CCDC40: variants seen among roughly 807,000 people sequenced by gnomAD.
CCDC40 encodes coiled-coil domain-containing protein 40.
A neutral mutation model predicts 124.5 loss-of-function variants in CCDC40; 104 were observed. The observed-to-expected ratio is 0.84, with a 90% CI of 0.71 to 0.98. CCDC40 has a LOEUF of 0.98. CCDC40 is among the 50% of genes least tolerant of loss of function. The pLI is 0.00. For synonymous variants in CCDC40, 580 were observed against 602.9 expected (o/e 0.96, Z 0.56); for missense variants, 1,463 against 1,503.9 (o/e 0.97, Z 0.45).
In CCDC40 at chr17:80,084,599, A is replaced by G. The variant is rs910825658; in HGVS notation, c.1990-144A>G. ...CTTGCTGGGTCCTGGAGACAGTGGG[A>G]AATCCAGCCTCCTGCACTCGTGACT... On this transcript the variant is annotated intron_variant, in intron 12 of 19. Coordinates refer to ENST00000397545, the MANE Select transcript of CCDC40 (RefSeq NM_017950.4). The G allele has an allele frequency of 3.1e-5, 30 of 957,280 alleles. No individual in the cohort carries two copies. In the Admixed American group the frequency reaches 5.6e-4, roughly 18 times the overall value. The allele number at this position is 957,280 out of a possible 1,614,324, so 59.3% of individuals were successfully genotyped here.
intron 7 of CCDC40, among the ~76,000 whole-genome samples, chr17:80,056,218 ATC>A (rs370757330): frequency 1.3e-5 from 2 of 148,934 alleles, no homozygotes. Context: ...GTGTATGTGT[ATC>A]TCTCTCTCTC....
At position 80,095,425 on chromosome 17, in the gene CCDC40, C is replaced by T. The variant is rs546342011; in HGVS notation, c.2995C>T (p.Arg999Cys). The change falls in exon 18 of 20, where the codon CGC (arginine) becomes TGC (cysteine). Residue 999 changes from arginine to cysteine, a missense_variant. Transcript: ENST00000397545. ...TDFHHKQLEL[R>C]RKIRDVRKAT... is the part of the protein sequence containing the mutation. ...CTTCCACCACAAGCAGCTTGAGCTGCGCCGGAAAATCAGGGACGTTCGCAA... is the reference window on the plus strand; with the variant it reads ...CTTCCACCACAAGCAGCTTGAGCTGTGCCGGAAAATCAGGGACGTTCGCAA... 3 of 1,614,044 alleles carry T rather than the reference C, an allele frequency of 1.9e-6. No homozygotes were observed. The highest frequency in any genetic ancestry group is 2.2e-5 in the South Asian group (2 of 91,092).
chr17:80,090,259 G>T, intron 17 of CCDC40: 1 of 798,460 alleles, frequency 1.3e-6, no homozygotes, highest in Non-Finnish European at 1.8e-6. Context: ...AACACGGGAC[G>T]CGCGCGGGCA....
At chr17:80,064,189 T>C (rs2037975279) in intron 9 of CCDC40, among the ~76,000 whole-genome samples, 2 of 152,170 alleles carry the variant, frequency 1.3e-5, no homozygotes, top group African/African-American at 4.8e-5. Context: ...CAGCCAAGCA[T>C]GGTGTCTCCA....
rs185882210 is a variant in CCDC40, at chr17:80,082,124, C to T, written c.1989+66C>T. The T allele has an allele frequency of 3.4e-3, 5,065 of 1,469,344 alleles. 15 individuals are homozygous for T. The highest frequency in any genetic ancestry group is 4.5e-3 in the Non-Finnish European group (4,705 of 1,052,918). 91.0% of individuals were successfully genotyped at this position (1,469,344 alleles called of 1,614,324 possible). On this transcript the variant is annotated intron_variant, in intron 12 of 19. Coordinates refer to ENST00000397545, the MANE Select transcript of CCDC40 (RefSeq NM_017950.4). ...GCAGCCTGGGCATATGAGGGCAAGC[C>T]GTCCTGGAGGCGGAGAGGGCGGAGT...
chr17:80,045,501 C>T (rs1303011467), intron 3 of CCDC40, among the ~76,000 whole-genome samples: 7 of 152,090 alleles, frequency 4.6e-5, no homozygotes, highest in Non-Finnish European at 7.4e-5. Context: ...GTCAGGAGTT[C>T]GAGACCGGCC....
rs1164576884 is a variant in CCDC40, at chr17:80,065,538, A to G, written c.1494A>G (p.Gln498=). 1.2e-6 allele frequency: 2 copies of G among 1,612,968 alleles called. No homozygotes were observed. The highest frequency in any genetic ancestry group is 4.5e-5 in the East Asian group (2 of 44,754). The change falls in exon 10 of 20, where the codon CAA becomes CAG. Residue 498 remains glutamine, a synonymous_variant. Transcript: ENST00000397545. ...ISVEKRRIMQ[Q]WASSLVGMKH... The stretch of plus-strand genomic sequence containing the variant: ...TGGAGAAGAGGCGCATCATGCAGCA[A>G]TGGGCCAGCAGCCTGGTGGGCATGA...
intron 19 of CCDC40, 112 bp from the exon 20 acceptor site, chr17:80,099,415 C>T (rs770517103): frequency 1.6e-4 from 200 of 1,269,636 alleles, no homozygotes; most frequent in Non-Finnish European, 2.1e-4. Flanking sequence ...CCTTTTCAGG[C>T]GTAGGTCTCG....
In CCDC40 at chr17:80,066,094, C is replaced by T. The variant is rs2143682551; in HGVS notation, c.1562+488C>T. On this transcript the variant is annotated intron_variant, in intron 10 of 19. Coordinates refer to ENST00000397545, the MANE Select transcript of CCDC40 (RefSeq NM_017950.4). The surrounding 1 kb of genome is among the most constrained non-coding windows in gnomAD (Gnocchi z 4.4). ...GTGGCTCAGGGCAGGGCGTTGGAGA[C>T]ACAGGTGCTGCCTTCATTCCTAAAA... 1 of 702,986 alleles carries T rather than the reference C, an allele frequency of 1.4e-6. No homozygotes were observed. Among genetic ancestry groups the T allele is most frequent in the East Asian group, 2.7e-5 (1 of 37,270 alleles). The allele number at this position is 702,986 out of a possible 1,614,324, so 43.5% of individuals were successfully genotyped here. A position where few individuals can be genotyped will look rare whatever the true frequency, so the allele number is the denominator to read the frequency against.
chr17:80,036,783 C>T, intron 1 of CCDC40, 92 bp downstream of exon 1: 1 of 1,217,472 alleles, frequency 8.2e-7, no homozygotes, highest in Non-Finnish European at 1.1e-6. Context: ...GCTCCTGCCT[C>T]GCCCCTTCGC....
chr17:80,054,314 A>T lies in CCDC40; in HGVS notation c.1159+4031A>T, dbSNP rs80125129. Among the ~76,000 whole-genome samples, 989 of 152,254 alleles carry T rather than the reference A, an allele frequency of 6.5e-3. 8 individuals are homozygous for T. The highest frequency in any genetic ancestry group is 0.022 in the African/African-American group (934 of 41,524). Reference sequence around the variant, plus strand: ...TAATTGCAAGAAAGCTATGCATTGTACTGGTTTCATCATGCAAGAAATTGA... The same window carrying T: ...TAATTGCAAGAAAGCTATGCATTGTTCTGGTTTCATCATGCAAGAAATTGA... On this transcript the variant is annotated intron_variant, in intron 7 of 19. Transcript: ENST00000397545.
At chr17:80,095,490 C>T (rs991506764) in intron 18 of CCDC40, 39 bp downstream of exon 18, 1 of 1,593,412 alleles carries the variant, frequency 6.3e-7, no homozygotes, top group Non-Finnish European at 8.6e-7. Context: ...GCCTGCTCCT[C>T]TCTCTGGGAT....
At chr17:80,050,925 G>T (rs2037569776) in intron 7 of CCDC40, among the ~76,000 whole-genome samples, 1 of 152,178 alleles carries the variant, frequency 6.6e-6, no homozygotes, top group Non-Finnish European at 1.5e-5. Context: ...CGAATGCGAG[G>T]GTGAGGCCGG....
chr17:80,039,512 A>G (rs1439150026), intron 2 of CCDC40, among the ~76,000 whole-genome samples: 3 of 151,740 alleles, frequency 2.0e-5, no homozygotes, highest in African/African-American at 7.3e-5. Context: ...TCCGAGTTTA[A>G]GCAATTCTCC....
rs1198869526 is a variant in CCDC40, at chr17:80,050,235, G to T, written c.1111G>T (p.Ala371Ser). The T allele has an allele frequency of 6.3e-7, 1 of 1,597,718 alleles. No individual in the cohort carries two copies. Among genetic ancestry groups the T allele is most frequent in the Non-Finnish European group, 8.5e-7 (1 of 1,173,808 alleles). Residue 371 changes from alanine to serine, a missense_variant, in exon 7 of 20, where the codon GCT (alanine) becomes TCT (serine). Transcript: ENST00000397545. ...GGAGGAGGAGCTGCAGGCCGCCCGCGCTCTCTACACCAAGACCTGCGCAGC... is the reference window on the plus strand; with the variant it reads ...GGAGGAGGAGCTGCAGGCCGCCCGCTCTCTCTACACCAAGACCTGCGCAGC... ...QKEEELQAAR[A>S]LYTKTCAAAN...
At chr17:80,055,552 G>T (rs575926449) in intron 7 of CCDC40, among the ~76,000 whole-genome samples, 1 of 152,078 alleles carries the variant, frequency 6.6e-6, no homozygotes, top group African/African-American at 2.4e-5. Context: ...GAGTGCCCAC[G>T]TTACCAGCTG....
chr17:80,099,521 AC>A lies in CCDC40; in HGVS notation c.3181-3del. ...AGCCCTATATGGAGTCTCTTTTCCTACCCAGAACCTTTCAGAGATCGTGGCC... is the reference window on the plus strand; with the variant it reads ...AGCCCTATATGGAGTCTCTTTTCCTACCAGAACCTTTCAGAGATCGTGGCC... On this transcript the variant is annotated splice_region_variant and splice_polypyrimidine_tract_variant and intron_variant, in intron 19 of 19. Transcript: ENST00000397545. The A allele has an allele frequency of 6.2e-7, 1 of 1,606,128 alleles. No individual in the cohort carries two copies.
chr17:80,059,364 G>A (rs1455749502), intron 9 of CCDC40, among the ~76,000 whole-genome samples: 2 of 152,076 alleles, frequency 1.3e-5, no homozygotes, highest in African/African-American at 2.4e-5. Flanking sequence ...CTTCCGGGTA[G>A]CTCCTACATC....
chr17:80,042,869 T>A (rs975763952), intron 3 of CCDC40, among the ~76,000 whole-genome samples: 1 of 152,084 alleles, frequency 6.6e-6, no homozygotes, highest in African/African-American at 2.4e-5. Context: ...GTTGTTTTTT[T>A]TTTTTTAATC....
Sources: gnomAD v4.1 joint callset for allele counts (sites outside exome capture counted in the v4.1 genomes callset) on GRCh38, gnomAD v4.1.1 for gene constraint, Gnocchi (gnomAD v3.1) non-coding constraint, MANE v1.5 for transcripts, NCBI Gene and HGNC (gene_info 2026-07-23, HGNC 2026-07-21) for gene names.